Variants in FAM222A observed in about 807,000 individuals in gnomAD.
FAM222A encodes the protein protein FAM222A.
In FAM222A, 7 loss-of-function variants were observed where a neutral mutation model predicts 25.8. That is an observed-to-expected ratio of 0.27 (90% CI 0.15 to 0.51). FAM222A has a LOEUF of 0.51. Among genes scored for constraint, FAM222A ranks in the 20% least tolerant of loss-of-function variants. The pLI is 0.97. For missense variants in FAM222A, 573 were observed against 640.5 expected, an observed-to-expected ratio of 0.89 and a Z score of 1.14; for synonymous variants, 294 against 298.8, an observed-to-expected ratio of 0.98 and a Z score of 0.17.
chr12:109,754,249 G>A (rs1888645743), intron 2 of FAM222A, among the ~76,000 whole-genome samples: 1 of 152,110 alleles, frequency 6.6e-6, no homozygotes, highest in African/African-American at 2.4e-5. Context: ...GGTAGTATAA[G>A]GATTAGAAAG....
At position 109,768,509 on chromosome 12, in the gene FAM222A, T is replaced by G; in HGVS notation, c.580T>G (p.Ser194Ala). 6.2e-7 allele frequency: 1 copy of G among 1,605,934 alleles called. No individual in the cohort carries two copies. Among genetic ancestry groups the G allele is most frequent in the Non-Finnish European group, 8.5e-7 (1 of 1,178,576 alleles). Residue 194 changes from serine (S) to alanine (A), a missense_variant, in exon 3 of 3, where the codon TCC becomes GCC. By Grantham distance (99) the Ser-to-Ala change is moderately conservative (BLOSUM62 1). Around this residue, in one of 3 missense-constraint regions of FAM222A, gnomAD observed 412 missense variants for 407.0 expected, o/e 1.01. Transcript: ENST00000538780. ...GGGCCGGGGCCTGCCCCTGCCACCT[T>G]CCAACCTGCCCTCCATCCACAGCCT... ...LPGRGLPLPP[S>A]NLPSIHSLLY...
At position 109,721,910 on chromosome 12, in the gene FAM222A, A is replaced by G. The variant is rs188636558; in HGVS notation, c.-47+7013A>G. 3.2e-3 allele frequency among the ~76,000 whole-genome samples: 486 copies of G among 152,086 alleles called. 3 individuals carry two copies. The highest frequency in any genetic ancestry group is 5.2e-3 in the Admixed American group (79 of 15,282). ...CCTGCACCTCCAGGGAGAATTCTTA[A>G]CCCATTTTAGAGATGAGGGAACTGA... On this transcript the variant is annotated intron_variant, in intron 1 of 2. Transcript: ENST00000538780.
At chr12:109,749,331 C>T (rs1429335962) in intron 2 of FAM222A, among the ~76,000 whole-genome samples, 1 of 152,190 alleles carries the variant, frequency 6.6e-6, no homozygotes, top group Admixed American at 6.5e-5. Flanking sequence ...GTCTCAAACT[C>T]CCGGCCTCAG....
At chr12:109,747,526 C>G (rs915223151) in intron 2 of FAM222A, among the ~76,000 whole-genome samples, 1 of 152,162 alleles carries the variant, frequency 6.6e-6, no homozygotes, top group South Asian at 2.1e-4. Flanking sequence ...AACAAAAATC[C>G]TATTTGTGCT....
At chr12:109,744,541 T>G (rs1386273828) in intron 2 of FAM222A, 1 of 985,306 alleles carries the variant, frequency 1.0e-6, no homozygotes, top group East Asian at 1.1e-4. Context: ...TAGCCATGTG[T>G]GTCTCCCTTA....
intron 2 of FAM222A, among the ~76,000 whole-genome samples, chr12:109,753,561 G>A (rs572875685): frequency 1.8e-5 from 2 of 108,872 alleles, no homozygotes; most frequent in South Asian, 3.3e-4. Flanking sequence ...CCCCATCCCG[G>A]GGGGGGGAGC....
In FAM222A at chr12:109,755,287, C is replaced by CTTTTT. The variant is rs540689300; in HGVS notation, c.82+11097_82+11101dup. On this transcript the variant is annotated intron_variant, in intron 2 of 2. Coordinates refer to ENST00000538780, the MANE Select transcript of FAM222A (RefSeq NM_032829.3). Reference sequence around the variant, plus strand: ...TCTTCCATTTAGGTCTGTAATTCTTCTTTTTTTTTTTTTTTTTTTTTTTTT... The same window carrying CTTTTT: ...TCTTCCATTTAGGTCTGTAATTCTTCTTTTTTTTTTTTTTTTTTTTTTTTTTTTTT... Among the ~76,000 whole-genome samples, 12 of 49,426 alleles carry CTTTTT rather than the reference C, an allele frequency of 2.4e-4. 1 individual carries two copies. Among genetic ancestry groups the CTTTTT allele is most frequent in the Non-Finnish European group, 3.1e-4 (9 of 29,156 alleles). The allele number at this position is 49,426 out of a possible 152,430, so 32.4% of individuals were successfully genotyped here.
chr12:109,768,885 G>C lies in FAM222A; in HGVS notation c.956G>C (p.Arg319Pro). The C allele has an allele frequency of 1.3e-6, 2 of 1,581,586 alleles. No homozygotes were observed. The highest frequency in any genetic ancestry group is 1.7e-6 in the Non-Finnish European group (2 of 1,171,338). The change falls in exon 3 of 3, where the codon CGG becomes CCG. Residue 319 changes from arginine to proline, a missense_variant. By Grantham distance (103) the Arg-to-Pro change is moderately radical. Coordinates refer to ENST00000538780, the MANE Select transcript of FAM222A (RefSeq NM_032829.3). The part of the protein sequence containing the change: ...ASKSPEACGG[R>P]AYERASGSPL... ...AAGTCCCCTGAGGCTTGCGGGGGCC[G>C]GGCATACGAGCGGGCCAGCGGGTCA...
At chr12:109,760,265 A>G (rs994614622) in intron 2 of FAM222A, among the ~76,000 whole-genome samples, 15 of 152,126 alleles carry the variant, frequency 9.9e-5, no homozygotes, top group African/African-American at 3.4e-4. Context: ...GGGGAAACAC[A>G]TACAGACCCG....
chr12:109,715,549 C>A (rs1414269845), intron 1 of FAM222A, among the ~76,000 whole-genome samples: 1 of 152,126 alleles, frequency 6.6e-6, no homozygotes, highest in African/African-American at 2.4e-5. Flanking sequence ...AGGGGCGGGG[C>A]TGGATGCCTT....
intron 1 of FAM222A, among the ~76,000 whole-genome samples, chr12:109,717,499 C>A (rs1394721849): frequency 6.6e-6 from 1 of 152,118 alleles, no homozygotes; most frequent in Non-Finnish European, 1.5e-5. Context: ...ATGAAGAGGA[C>A]AAATAGGAAT....
At chr12:109,719,484 TAAG>T (rs1887709282) in intron 1 of FAM222A, among the ~76,000 whole-genome samples, 1 of 152,210 alleles carries the variant, frequency 6.6e-6, no homozygotes. Flanking sequence ...GGTCAAGTGA[TAAG>T]AAATCAGATG....
rs1480643687 is a variant in FAM222A at position 109,768,790 on chromosome 12, G to A, written c.861G>A (p.Leu287=). 2 of 1,577,360 alleles carry A rather than the reference G, an allele frequency of 1.3e-6. No individual in the cohort carries two copies. Among genetic ancestry groups the A allele is most frequent in the Non-Finnish European group, 1.7e-6 (2 of 1,167,386 alleles). ...CAGACAGCGGCCTGGATTACCTGCTGTGGCCGCAGAAACCGCCCCCACCGC... is the reference window on the plus strand; with the variant it reads ...CAGACAGCGGCCTGGATTACCTGCTATGGCCGCAGAAACCGCCCCCACCGC... ...GYADSGLDYL[L]WPQKPPPPPP... The change falls in exon 3 of 3, where the codon CTG becomes CTA. Residue 287 remains leucine, a synonymous_variant. Coordinates refer to ENST00000538780, the MANE Select transcript of FAM222A (RefSeq NM_032829.3).
chr12:109,750,005 C>T (rs935455287), intron 2 of FAM222A, among the ~76,000 whole-genome samples: 1 of 152,066 alleles, frequency 6.6e-6, no homozygotes, highest in Non-Finnish European at 1.5e-5. Flanking sequence ...AGTCTGAATG[C>T]CCTTTTTTTC....
chr12:109,742,006 A>G (rs2136339927), intron 1 of FAM222A: 1 of 152,050 alleles, frequency 6.6e-6, no homozygotes, highest in South Asian at 2.1e-4. Flanking sequence ...CTTTCCCCCA[A>G]CCCCTATGTC....
intron 1 of FAM222A, among the ~76,000 whole-genome samples, chr12:109,742,680 G>C (rs988749170): frequency 7.3e-5 from 11 of 150,172 alleles, no homozygotes; most frequent in African/African-American, 2.7e-4. Context: ...GTCCCTTTCA[G>C]AGGAAATCAT....
chr12:109,760,685 G>A (rs868663283), intron 2 of FAM222A, among the ~76,000 whole-genome samples: 4 of 152,302 alleles, frequency 2.6e-5, no homozygotes, highest in Middle Eastern at 6.8e-3. Context: ...TCTACTCCTT[G>A]AACGTCTGAC....
chr12:109,739,674 C>A (rs977890169), intron 1 of FAM222A, among the ~76,000 whole-genome samples: 1 of 152,218 alleles, frequency 6.6e-6, no homozygotes, highest in Non-Finnish European at 1.5e-5. Flanking sequence ...GAAGCAGACC[C>A]TTGCTTCCAT....
At chr12:109,746,196 GA>G (rs1280160220) in intron 2 of FAM222A, among the ~76,000 whole-genome samples, 1 of 152,006 alleles carries the variant, frequency 6.6e-6, no homozygotes, top group Non-Finnish European at 1.5e-5. Flanking sequence ...TGGTTTTTAA[GA>G]AATGTATGAG....
Sources: gnomAD v4.1 joint callset for allele counts (sites outside exome capture counted in the v4.1 genomes callset) on GRCh38, gnomAD v4.1.1 for gene constraint, gnomAD v4.1.1 regional missense constraint, MANE v1.5 for transcripts, NCBI Gene and HGNC (gene_info 2026-07-23, HGNC 2026-07-21) for gene names.